The following SLCO1B3 variants were observed in gnomAD, a reference collection of about 807,000 sequenced individuals.
SLCO1B3 encodes solute carrier organic anion transporter family member 1B3.
A neutral mutation model predicts 71.8 loss-of-function variants in SLCO1B3; 72 were observed. The ratio of observed to expected loss-of-function variants is 1.00; its 90% CI spans 0.83 to 1.22. The LOEUF is 1.22. SLCO1B3 is among the 50% of genes most tolerant of loss of function. The pLI, the probability that SLCO1B3 is intolerant of heterozygous loss-of-function variation, is 0.00. For synonymous variants in SLCO1B3, 298 were observed against 278.4 expected (o/e 1.07, Z -0.70); for missense variants, 911 against 819.7 (o/e 1.11, Z -1.36).
At chr12:20,889,092 G>T (rs981919944) in intron 13 of SLCO1B3, among the ~76,000 whole-genome samples, 2 of 68,440 alleles carry the variant, frequency 2.9e-5, no homozygotes, top group Admixed American at 2.4e-4. Flanking sequence ...TTATTTTCTA[G>T]AGTTTTTTTT....
At chr12:20,886,172 G>T (rs576947412) in intron 13 of SLCO1B3, among the ~76,000 whole-genome samples, 78 of 152,078 alleles carry the variant, frequency 5.1e-4, no homozygotes, top group Admixed American at 1.3e-3. Context: ...TGATACTATT[G>T]AACAAAAGGG....
chr12:20,847,645 A>G (rs902297059), intron 3 of SLCO1B3, among the ~76,000 whole-genome samples: 2 of 152,122 alleles, frequency 1.3e-5, no homozygotes, highest in African/African-American at 4.8e-5. Flanking sequence ...CAGAATACAG[A>G]ATCATCGAAT....
chr12:20,899,717 T>C (rs942144452), intron 14 of SLCO1B3, among the ~76,000 whole-genome samples: 1 of 152,148 alleles, frequency 6.6e-6, no homozygotes, highest in Non-Finnish European at 1.5e-5. Flanking sequence ...GAAAATAGCA[T>C]CTGGGTAGTT....
chr12:20,827,990 A>G (rs1864462681), intron 3 of SLCO1B3, among the ~76,000 whole-genome samples: 1 of 152,224 alleles, frequency 6.6e-6, no homozygotes, highest in African/African-American at 2.4e-5. Flanking sequence ...GTGGTGTGCT[A>G]GAGGGAGATT....
chr12:20,870,478 A>T (rs1865455605), intron 8 of SLCO1B3, among the ~76,000 whole-genome samples: 1 of 152,186 alleles, frequency 6.6e-6, no homozygotes, highest in Non-Finnish European at 1.5e-5. Flanking sequence ...TTTAAATTTT[A>T]GTCTTCAACA....
At chr12:20,852,472 C>G (rs905337952) in intron 3 of SLCO1B3, among the ~76,000 whole-genome samples, 1 of 152,096 alleles carries the variant, frequency 6.6e-6, no homozygotes, top group Non-Finnish European at 1.5e-5. Flanking sequence ...GAGCAAGACT[C>G]TGTAAAAATT....
rs1366614224 is a variant in SLCO1B3, at chr12:20,916,489, G to A, written c.*242G>A. The A allele has an allele frequency of 3.4e-6, 1 of 294,518 alleles. No homozygotes were observed. Among genetic ancestry groups the A allele is most frequent in the Non-Finnish European group, 6.4e-6 (1 of 157,404 alleles). The allele number at this position is 294,518 out of a possible 1,614,324, so 18.2% of individuals were successfully genotyped here. A position where few individuals can be genotyped will look rare whatever the true frequency, so the allele number is the denominator to read the frequency against. ...GTGTGTGATACAATAAAAAGTAATT[G>A]TTTGGTAGTTGTAACTGCTAATAAA... On this transcript the variant is annotated 3_prime_UTR_variant, in exon 16 of 16. Coordinates refer to ENST00000381545, the MANE Select transcript of SLCO1B3 (RefSeq NM_019844.4).
chr12:20,871,833 G>A (rs943670210), intron 8 of SLCO1B3, among the ~76,000 whole-genome samples: 7 of 152,078 alleles, frequency 4.6e-5, no homozygotes, highest in African/African-American at 1.4e-4. Context: ...AAGACCTGAA[G>A]CCAGCACAGC....
chr12:20,818,854 T>C (rs1864238709), intron 3 of SLCO1B3, among the ~76,000 whole-genome samples: 1 of 152,112 alleles, frequency 6.6e-6, no homozygotes, highest in Non-Finnish European at 1.5e-5. Context: ...GATGCAGTCA[T>C]GAGGGTCAGG....
At chr12:20,874,114 A>G (rs1481209627) in intron 8 of SLCO1B3, among the ~76,000 whole-genome samples, 1 of 152,170 alleles carries the variant, frequency 6.6e-6, no homozygotes, top group Non-Finnish European at 1.5e-5. Flanking sequence ...TCCTTTGGGT[A>G]TATACCCAGT....
intron 3 of SLCO1B3, 121 bp from the exon 4 acceptor site, chr12:20,854,907 G>T: frequency 1.1e-6 from 1 of 876,892 alleles, no homozygotes; most frequent in African/African-American, 1.7e-5. Flanking sequence ...GGGAAAAATG[G>T]GTATTTTTTT....
At chr12:20,913,612 G>T (rs1441779214) in intron 15 of SLCO1B3, among the ~76,000 whole-genome samples, 2 of 152,104 alleles carry the variant, frequency 1.3e-5, no homozygotes, top group Middle Eastern at 6.8e-3. Context: ...ATTAAAATAG[G>T]TACTCCCATT....
chr12:20,836,815 G>A (rs1864691704), intron 3 of SLCO1B3, among the ~76,000 whole-genome samples: 1 of 151,996 alleles, frequency 6.6e-6, no homozygotes. Flanking sequence ...CTAATTTTTT[G>A]TATTTTTACT....
At chr12:20,876,074 A>G (rs1390754907) in intron 9 of SLCO1B3, among the ~76,000 whole-genome samples, 2 of 134,050 alleles carry the variant, frequency 1.5e-5, no homozygotes, top group Non-Finnish European at 3.3e-5. Context: ...TATTAAATTA[A>G]TTTTTATATA....
chr12:20,850,381 G>A (rs548965825), intron 3 of SLCO1B3, among the ~76,000 whole-genome samples: 1 of 151,718 alleles, frequency 6.6e-6, no homozygotes, highest in South Asian at 2.1e-4. Context: ...CCGGGATCAC[G>A]CCATTCTCCT....
At chr12:20,839,168 A>G (rs1052602590) in intron 3 of SLCO1B3, among the ~76,000 whole-genome samples, 1 of 151,922 alleles carries the variant, frequency 6.6e-6, no homozygotes, top group Non-Finnish European at 1.5e-5. Context: ...TACATTATAG[A>G]TATTATTATT....
chr12:20,820,173 A>C (rs1203143022), intron 3 of SLCO1B3, among the ~76,000 whole-genome samples: 1 of 152,034 alleles, frequency 6.6e-6, no homozygotes, highest in Non-Finnish European at 1.5e-5. Context: ...CTCCATATTG[A>C]TTAAGAAGGG....
At chr12:20,816,961 G>T (rs936753972) in intron 3 of SLCO1B3, among the ~76,000 whole-genome samples, 3 of 152,172 alleles carry the variant, frequency 2.0e-5, no homozygotes, top group Non-Finnish European at 4.4e-5. Flanking sequence ...CTGATGTTGA[G>T]CACTTCTTCC....
At chr12:20,843,895 C>G (rs201915613) in intron 3 of SLCO1B3, among the ~76,000 whole-genome samples, 6 of 16,970 alleles carry the variant, frequency 3.5e-4, no homozygotes, top group Non-Finnish European at 5.9e-4. Context: ...ATATTCTTAT[C>G]TAAACTTTCT....
Sources: allele counts gnomAD v4.1 joint callset (sites outside exome capture counted in the v4.1 genomes callset), GRCh38; gene constraint gnomAD v4.1.1; transcripts MANE v1.5; gene names NCBI Gene and HGNC (gene_info 2026-07-23, HGNC 2026-07-21).